Variants in FRMD4B observed in about 807,000 individuals in gnomAD.
The protein encoded by FRMD4B is FERM domain-containing protein 4B.
In FRMD4B, 74 loss-of-function variants were observed where a neutral mutation model predicts 141.5. That is an observed-to-expected ratio of 0.52 (90% CI 0.43 to 0.63). The LOEUF is 0.63. FRMD4B is among the 30% of genes least tolerant of loss of function. The probability of loss-of-function intolerance (pLI) is 0.00; values close to 1 mark genes in which losing one functional copy is unlikely to be tolerated. For missense variants in FRMD4B, 1,366 were observed against 1,253.4 expected (o/e 1.09, Z -1.36); for synonymous variants, 506 against 467.9 (o/e 1.08, Z -1.05).
chr3:69,255,975 T>C (rs1341578611), intron 5 of FRMD4B, among the ~76,000 whole-genome samples: 1 of 152,114 alleles, frequency 6.6e-6, no homozygotes, highest in Non-Finnish European at 1.5e-5. Flanking sequence ...CTTGCACCTG[T>C]AGTCCCAGCT....
intron 1 of FRMD4B, among the ~76,000 whole-genome samples, chr3:69,468,382 T>C (rs915337775): frequency 7.9e-5 from 12 of 152,172 alleles, no homozygotes; most frequent in African/African-American, 2.9e-4. Context: ...CCATCACTCA[T>C]TTCCCAAATA....
rs112767287 is a variant in FRMD4B, at chr3:69,225,109, T to G, written c.582-419A>C. On this transcript the variant is annotated intron_variant, in intron 7 of 22. Transcript: ENST00000398540. The stretch of plus-strand genomic sequence containing the variant: ...CATCAACAATTTTTCGTAATAGATA[T>G]CATTGCAATGAAAAGGTTTATGTAG... Among the ~76,000 whole-genome samples, 269 of 152,284 alleles carry G rather than the reference T, an allele frequency of 1.8e-3. 1 individual carries two copies. Among genetic ancestry groups the G allele is most frequent in the African/African-American group, 6.1e-3 (252 of 41,558 alleles).
chr3:69,482,286 G>A (rs912131017), intron 1 of FRMD4B, among the ~76,000 whole-genome samples: 3 of 152,138 alleles, frequency 2.0e-5, no homozygotes, highest in African/African-American at 7.2e-5. Flanking sequence ...AACAGGCATT[G>A]TTGCTGAGAG....
chr3:69,471,155 G>C lies in FRMD4B; in HGVS notation c.-128-38394C>G, dbSNP rs577764498. Among the ~76,000 whole-genome samples the C allele has an allele frequency of 2.0e-5, 3 of 152,254 alleles. No individual in the cohort carries two copies. The South Asian group carries it at 6.2e-4, about 32-fold the overall frequency. ...TACAGAGAAGGTAAGATTCTTTCAA[G>C]GGGTTTGGTGAGTTTTTTTCAAAGT... On this transcript the variant is annotated intron_variant, in intron 1 of 5. Coordinates refer to the FRMD4B transcript ENST00000459638.
chr3:69,258,283 A>T (rs970604908), intron 5 of FRMD4B, among the ~76,000 whole-genome samples: 24 of 151,986 alleles, frequency 1.6e-4, no homozygotes, highest in African/African-American at 5.1e-4. Context: ...TCAGTATTTA[A>T]TTTTTTTTAT....
At chr3:69,347,442 G>C (rs1327096544) in intron 1 of FRMD4B, among the ~76,000 whole-genome samples, 4 of 152,188 alleles carry the variant, frequency 2.6e-5, no homozygotes, top group African/African-American at 9.7e-5. Context: ...AAGTTAAAAA[G>C]GATATCCAGG....
chr3:69,438,821 G>A (rs765365838), intron 1 of FRMD4B, among the ~76,000 whole-genome samples: 1 of 151,972 alleles, frequency 6.6e-6, no homozygotes, highest in Non-Finnish European at 1.5e-5. Flanking sequence ...CCAAAGTGGG[G>A]GTAAAATATG....
At chr3:69,187,681 T>C in intron 19 of FRMD4B, 89 bp downstream of exon 19, 7 of 1,194,032 alleles carry the variant, frequency 5.9e-6, no homozygotes, top group Non-Finnish European at 8.2e-6. Flanking sequence ...AATAAAAACA[T>C]GTGAAAATGT....
At chr3:69,331,561 G>A (rs975209511) in intron 1 of FRMD4B, among the ~76,000 whole-genome samples, 1 of 152,156 alleles carries the variant, frequency 6.6e-6, no homozygotes, top group African/African-American at 2.4e-5. Flanking sequence ...CAAGAGCACA[G>A]ACTTGGACTT....
intron 1 of FRMD4B, among the ~76,000 whole-genome samples, chr3:69,538,618 T>C (rs1701118502): frequency 6.6e-6 from 1 of 152,184 alleles, no homozygotes; most frequent in Non-Finnish European, 1.5e-5. Flanking sequence ...GAAAAAACAC[T>C]GTCTTATGAG....
chr3:69,344,416 T>C (rs1330939636), intron 1 of FRMD4B, among the ~76,000 whole-genome samples: 1 of 152,242 alleles, frequency 6.6e-6, no homozygotes, highest in East Asian at 1.9e-4. Context: ...CAGTGACAGA[T>C]AGAGCTGTAA....
At chr3:69,238,676 G>A (rs748607377) in intron 7 of FRMD4B, among the ~76,000 whole-genome samples, 2 of 152,080 alleles carry the variant, frequency 1.3e-5, no homozygotes, top group African/African-American at 2.4e-5. Flanking sequence ...CCAGCTACTC[G>A]GGAGGCTGAG....
At position 69,169,321 on chromosome 3, in the gene FRMD4B, G is replaced by A. The variant is rs543641849; in HGVS notation, c.*2540C>T. Among the ~76,000 whole-genome samples, 151 of 149,274 alleles carry A rather than the reference G, an allele frequency of 1.0e-3. No individual in the cohort carries two copies. The highest frequency in any genetic ancestry group is 4.9e-3 in the South Asian group (23 of 4,714). ...TTTTTCAAAAGAGACGAAGAAAACC[G>A]TGCAGTAGGATTGCTGAACTTCCAT... On this transcript the variant is annotated 3_prime_UTR_variant, in exon 23 of 23. Transcript: ENST00000398540.
chr3:69,328,480 TG>T (rs1354094756), intron 1 of FRMD4B, among the ~76,000 whole-genome samples: 4 of 152,126 alleles, frequency 2.6e-5, no homozygotes, highest in Non-Finnish European at 5.9e-5. Flanking sequence ...GAATAGGACC[TG>T]GGTAAAATAA....
intron 5 of FRMD4B, 121 bp downstream of exon 5, chr3:69,287,631 A>G (rs1374271620): frequency 3.0e-6 from 2 of 664,452 alleles, no homozygotes; most frequent in East Asian, 5.5e-5. Flanking sequence ...ATATTCATGG[A>G]AAAGATTGTG....
chr3:69,193,570 G>C (rs1028167583), intron 17 of FRMD4B, 78 bp downstream of exon 17: 1 of 747,186 alleles, frequency 1.3e-6, no homozygotes, highest in African/African-American at 1.8e-5. Flanking sequence ...TCATCAACTG[G>C]TAACTGGTTT....
chr3:69,216,408 TA>T, intron 10 of FRMD4B, 59 bp from the exon 11 acceptor site: 1 of 722,748 alleles, frequency 1.4e-6, no homozygotes, highest in Non-Finnish European at 2.3e-6. Context: ...TAGAAGTGAA[TA>T]AAATTTACCA....
intron 10 of FRMD4B, 70 bp downstream of exon 10, chr3:69,218,252 T>C: frequency 1.3e-6 from 1 of 762,808 alleles, no homozygotes; most frequent in Non-Finnish European, 2.3e-6. Context: ...TTTTATATAG[T>C]ATGAAAAAAG....
chr3:69,495,456 G>GCT (rs1706368386), intron 1 of FRMD4B, among the ~76,000 whole-genome samples: 1 of 152,168 alleles, frequency 6.6e-6, no homozygotes, highest in Non-Finnish European at 1.5e-5. Context: ...TGGAGCTTAT[G>GCT]CTCTCTCTCT....
Sources: gnomAD v4.1 joint callset for allele counts (sites outside exome capture counted in the v4.1 genomes callset) on GRCh38, gnomAD v4.1.1 for gene constraint, MANE v1.5 for transcripts, NCBI Gene and HGNC (gene_info 2026-07-23, HGNC 2026-07-21) for gene names.